The following BABAM2 variants were observed in gnomAD, a reference collection of about 807,000 sequenced individuals.
BABAM2 encodes the protein BRISC and BRCA1-A complex member 2.
In BABAM2, 31 loss-of-function variants were observed where a neutral mutation model predicts 54.7. The ratio of observed to expected loss-of-function variants is 0.57; its 90% confidence interval spans 0.43 to 0.77. The LOEUF (loss-of-function observed/expected upper bound fraction) is 0.77. Ranked by LOEUF, BABAM2 falls within the 30% of genes least tolerant of loss-of-function variation. The pLI, the probability that BABAM2 is intolerant of heterozygous loss-of-function variation, is 0.00. For missense variants in BABAM2, 364 were observed against 455.8 expected (o/e 0.80, Z 1.83); for synonymous variants, 167 against 162.9 (o/e 1.03, Z -0.19).
intron 11 of BABAM2, chr2:28,327,497 C>A: frequency 6.7e-7 from 1 of 1,496,012 alleles, no homozygotes; most frequent in Non-Finnish European, 9.0e-7. Context: ...GAATTCATCC[C>A]AATACTTTGA....
chr2:28,126,070 C>T (rs1463840380), intron 6 of BABAM2, among the ~76,000 whole-genome samples: 1 of 152,042 alleles, frequency 6.6e-6, no homozygotes, highest in Non-Finnish European at 1.5e-5. Context: ...AGAGCTTTTA[C>T]TTTATAAATT....
At chr2:28,187,661 AAT>A (rs1491144398) in intron 7 of BABAM2, among the ~76,000 whole-genome samples, 3 of 106,130 alleles carry the variant, frequency 2.8e-5, no homozygotes, top group African/African-American at 1.0e-4. Context: ...AGAACTTTGG[AAT>A]TTTTTTTTTT....
At chr2:28,222,503 T>C (rs1015226082) in intron 7 of BABAM2, among the ~76,000 whole-genome samples, 1 of 152,256 alleles carries the variant, frequency 6.6e-6, no homozygotes, top group Admixed American at 6.5e-5. Flanking sequence ...CTTCACATGC[T>C]GCAGGGGCAG....
At chr2:27,944,348 T>C (rs1669140290) in intron 3 of BABAM2, among the ~76,000 whole-genome samples, 1 of 152,186 alleles carries the variant, frequency 6.6e-6, no homozygotes, top group Non-Finnish European at 1.5e-5. Flanking sequence ...TTCCATTCCC[T>C]AAAGGTATAG....
intron 9 of BABAM2, among the ~76,000 whole-genome samples, chr2:28,244,171 T>C (rs1682708501): frequency 6.6e-6 from 1 of 152,118 alleles, no homozygotes; most frequent in South Asian, 2.1e-4. Flanking sequence ...TACTTTGCCT[T>C]AAGCCCAGTG....
At chr2:28,036,126 T>C (rs1437027443) in intron 5 of BABAM2, among the ~76,000 whole-genome samples, 3 of 152,130 alleles carry the variant, frequency 2.0e-5, no homozygotes, top group African/African-American at 7.2e-5. Flanking sequence ...TTGGTGGCCA[T>C]TTAGATGTAG....
chr2:28,083,818 T>G (rs575461298), intron 6 of BABAM2, among the ~76,000 whole-genome samples: 1 of 152,332 alleles, frequency 6.6e-6, no homozygotes, highest in South Asian at 2.1e-4. Context: ...CTTGTGTATC[T>G]ATATATTTGG....
intron 3 of BABAM2, among the ~76,000 whole-genome samples, chr2:27,954,268 A>G (rs747560181): frequency 1.3e-5 from 2 of 152,242 alleles, no homozygotes; most frequent in Admixed American, 6.5e-5. Context: ...GCCCCTCTTT[A>G]GAGCACTGAG....
chr2:27,993,820 C>G (rs1337348499), intron 4 of BABAM2, among the ~76,000 whole-genome samples: 1 of 152,096 alleles, frequency 6.6e-6, no homozygotes, highest in Non-Finnish European at 1.5e-5. Context: ...GTACCAATGC[C>G]TTGTCACTTT....
intron 7 of BABAM2, among the ~76,000 whole-genome samples, chr2:28,139,321 C>CAAAAAAAAAAAAAAAA (rs768755922): frequency 1.7e-4 from 15 of 87,068 alleles, no homozygotes; most frequent in African/African-American, 2.9e-4. Flanking sequence ...AACTCCGTCT[C>CAAAAAAAAAAAAAAAA]AAAAAAAAAA....
intron 6 of BABAM2, among the ~76,000 whole-genome samples, chr2:28,122,239 C>G (rs925329487): frequency 2.0e-5 from 3 of 152,102 alleles, no homozygotes; most frequent in Non-Finnish European, 4.4e-5. Flanking sequence ...TGATGAAGTA[C>G]TTACCTAGAC....
At chr2:27,898,243 G>T (rs549203850) in intron 2 of BABAM2, among the ~76,000 whole-genome samples, 1 of 151,948 alleles carries the variant, frequency 6.6e-6, no homozygotes, top group African/African-American at 2.4e-5. Context: ...AGTTCCTTTG[G>T]TTCATCAAGA....
At chr2:28,295,530 T>C (rs1468610936) in intron 10 of BABAM2, among the ~76,000 whole-genome samples, 1 of 152,058 alleles carries the variant, frequency 6.6e-6, no homozygotes, top group African/African-American at 2.4e-5. Context: ...AGTTTTTCTC[T>C]TGTTGCTCAA....
intron 3 of BABAM2, among the ~76,000 whole-genome samples, chr2:27,975,012 G>A (rs914391812): frequency 6.6e-6 from 1 of 151,946 alleles, no homozygotes; most frequent in African/African-American, 2.4e-5. Context: ...AAAATGCTTA[G>A]TTATAAATCT....
chr2:28,280,600 A>G (rs555749981), intron 10 of BABAM2, among the ~76,000 whole-genome samples: 43 of 152,286 alleles, frequency 2.8e-4, no homozygotes, highest in African/African-American at 9.9e-4. Flanking sequence ...TAAAAATATG[A>G]CACTCCTTAG....
intron 10 of BABAM2, among the ~76,000 whole-genome samples, chr2:28,265,049 C>T (rs1684860100): frequency 6.6e-6 from 1 of 152,138 alleles, no homozygotes; most frequent in Non-Finnish European, 1.5e-5. Flanking sequence ...GACCAGTGGG[C>T]ACAGGGAAGG....
intron 2 of BABAM2, among the ~76,000 whole-genome samples, chr2:27,920,469 C>G (rs1052662050): frequency 6.6e-6 from 1 of 152,016 alleles, no homozygotes; most frequent in Non-Finnish European, 1.5e-5. Flanking sequence ...AGATTTAATT[C>G]AGAGAAAATA....
chr2:27,986,831 ATACAT>A (rs1187578827), intron 3 of BABAM2, among the ~76,000 whole-genome samples: 2 of 152,188 alleles, frequency 1.3e-5, no homozygotes, highest in African/African-American at 4.8e-5. Context: ...ACATATTTTT[ATACAT>A]TACAACTCAA....
intron 4 of BABAM2, among the ~76,000 whole-genome samples, chr2:27,999,883 C>T (rs373539635): frequency 6.6e-6 from 1 of 152,144 alleles, no homozygotes; most frequent in Admixed American, 6.5e-5. Flanking sequence ...ATATTCTTCA[C>T]TTGTTTCAAA....
Sources: allele counts gnomAD v4.1 joint callset (sites outside exome capture counted in the v4.1 genomes callset), GRCh38; gene constraint gnomAD v4.1.1; transcripts MANE v1.5; gene names NCBI Gene and HGNC (gene_info 2026-07-23, HGNC 2026-07-21).